Variants in PPP3CA observed in about 807,000 individuals in gnomAD.
The protein encoded by PPP3CA is CAM-PRP catalytic subunit.
PPP3CA carries 14 observed loss-of-function variants against 66.5 expected under a neutral mutation model. That is an observed-to-expected ratio of 0.21 (90% CI 0.14 to 0.33). The LOEUF is 0.33. PPP3CA is among the 10% of genes least tolerant of loss of function. The probability of loss-of-function intolerance (pLI) is 1.00; values close to 1 mark genes in which losing one functional copy is unlikely to be tolerated. For synonymous variants in PPP3CA, 232 were observed against 226.2 expected, an observed-to-expected ratio of 1.03 and a Z score of -0.23; for missense variants, 317 against 639.5, an observed-to-expected ratio of 0.50 and a Z score of 5.44.
intron 1 of PPP3CA, among the ~76,000 whole-genome samples, chr4:101,292,700 G>C (rs1458154132): frequency 6.6e-6 from 1 of 152,132 alleles, no homozygotes; most frequent in African/African-American, 2.4e-5. Flanking sequence ...AAACTAAATG[G>C]AAGTAAGTAT....
intron 1 of PPP3CA, among the ~76,000 whole-genome samples, chr4:101,197,436 A>C (rs1311927213): frequency 6.6e-6 from 1 of 152,208 alleles, no homozygotes; most frequent in East Asian, 1.9e-4. Flanking sequence ...CAGTCTTGGC[A>C]GATTTGGTGG....
chr4:101,331,300 A>T (rs1729378302), intron 1 of PPP3CA, among the ~76,000 whole-genome samples: 1 of 152,214 alleles, frequency 6.6e-6, no homozygotes, highest in Non-Finnish European at 1.5e-5. Flanking sequence ...CAAGGCATGG[A>T]TATTAATGTC....
At chr4:101,194,597 C>T (rs1352966105) in intron 2 of PPP3CA, among the ~76,000 whole-genome samples, 1 of 152,010 alleles carries the variant, frequency 6.6e-6, no homozygotes, top group Non-Finnish European at 1.5e-5. Flanking sequence ...GATGGAGTCT[C>T]ACTCTGTCAC....
chr4:101,053,246 A>C (rs1009333215), intron 10 of PPP3CA, among the ~76,000 whole-genome samples: 1 of 152,184 alleles, frequency 6.6e-6, no homozygotes, highest in African/African-American at 2.4e-5. Flanking sequence ...AAAATCAAAT[A>C]AATTTTGCTA....
chr4:101,271,926 T>C (rs1168627368), intron 1 of PPP3CA, among the ~76,000 whole-genome samples: 2 of 152,192 alleles, frequency 1.3e-5, no homozygotes, highest in Non-Finnish European at 2.9e-5. Flanking sequence ...TAAAACAAAA[T>C]TTAAAATGTA....
chr4:101,292,428 C>A lies in PPP3CA; in HGVS notation c.58+54311G>T, dbSNP rs183270669. 7.6e-4 allele frequency among the ~76,000 whole-genome samples: 116 copies of A among 152,316 alleles called. No individual in the cohort carries two copies. In the Middle Eastern group the frequency reaches 0.02, roughly 27 times the overall value. On this transcript the variant is annotated intron_variant, in intron 1 of 13. Coordinates refer to ENST00000394854, the MANE Select transcript of PPP3CA (RefSeq NM_000944.5). ...ATCAGAAGAGCTCGTCCTAAACCAG[C>A]AGTACATGCGCCTCTCCCATGGCAT... is the stretch of plus-strand genomic sequence containing the variant.
chr4:101,109,308 TAAAAAAAAAA>T (rs70961775), intron 2 of PPP3CA, among the ~76,000 whole-genome samples: 2 of 90,046 alleles, frequency 2.2e-5, no homozygotes, highest in African/African-American at 4.2e-5. Flanking sequence ...ACAGATTAAC[TAAAAAAAAAA>T]AAAAAAAAAA....
At chr4:101,178,579 CA>C (rs1724137525) in intron 2 of PPP3CA, among the ~76,000 whole-genome samples, 1 of 152,072 alleles carries the variant, frequency 6.6e-6, no homozygotes, top group Non-Finnish European at 1.5e-5. Context: ...AATCAGGATA[CA>C]TATTTTGCTA....
In PPP3CA at chr4:101,046,668, T is replaced by C. The variant is rs185386602; in HGVS notation, c.1157-6102A>G. Among the ~76,000 whole-genome samples, 443 of 152,270 alleles carry C rather than the reference T, an allele frequency of 2.9e-3. 2 individuals carry two copies. Among genetic ancestry groups the C allele is most frequent in the Non-Finnish European group, 3.4e-3 (230 of 68,012 alleles). On this transcript the variant is annotated intron_variant, in intron 10 of 13. Transcript: ENST00000394854. Reference sequence around the variant, plus strand: ...TCACCACTTCCAAATTTGTTAAAACTTGACAAAGTTCATTCCTATTCTACT... The same window carrying C: ...TCACCACTTCCAAATTTGTTAAAACCTGACAAAGTTCATTCCTATTCTACT...
chr4:101,104,465 T>A (rs1174787023), intron 3 of PPP3CA, among the ~76,000 whole-genome samples: 1 of 151,922 alleles, frequency 6.6e-6, no homozygotes, highest in Non-Finnish European at 1.5e-5. Context: ...TTTTTTTTTT[T>A]CGTGGTGCTT....
At chr4:101,244,754 A>G (rs1412689462) in intron 1 of PPP3CA, among the ~76,000 whole-genome samples, 1 of 152,212 alleles carries the variant, frequency 6.6e-6, no homozygotes, top group East Asian at 1.9e-4. Context: ...TGTGCTATAC[A>G]TGATTCAGTT....
chr4:101,246,833 G>A (rs1255416466), intron 1 of PPP3CA, among the ~76,000 whole-genome samples: 1 of 152,048 alleles, frequency 6.6e-6, no homozygotes, highest in African/African-American at 2.4e-5. Flanking sequence ...AAAGAGTAGT[G>A]CTAATGAGGC....
intron 1 of PPP3CA, among the ~76,000 whole-genome samples, chr4:101,246,455 G>A (rs1726482617): frequency 6.6e-6 from 1 of 152,100 alleles, no homozygotes; most frequent in Middle Eastern, 3.2e-3. Flanking sequence ...GAGACCAAAT[G>A]TACATCCAAA....
chr4:101,086,117 A>G (rs1439191467), intron 6 of PPP3CA, among the ~76,000 whole-genome samples: 1 of 152,166 alleles, frequency 6.6e-6, no homozygotes, highest in Non-Finnish European at 1.5e-5. Context: ...AAAAATTACT[A>G]TATTATAAAA....
At chr4:101,266,486 C>T (rs373125991) in intron 1 of PPP3CA, among the ~76,000 whole-genome samples, 1 of 152,056 alleles carries the variant, frequency 6.6e-6, no homozygotes, top group Admixed American at 6.6e-5. Flanking sequence ...TATTATATAG[C>T]GTGATTAATC....
chr4:101,168,237 AAGG>A (rs1313983837), intron 2 of PPP3CA, among the ~76,000 whole-genome samples: 2 of 152,194 alleles, frequency 1.3e-5, no homozygotes, highest in Non-Finnish European at 2.9e-5. Flanking sequence ...AAAAAATAGA[AAGG>A]AGATGTCAAG....
At chr4:101,061,282 G>A in intron 9 of PPP3CA, 121 bp from the exon 10 acceptor site, 1 of 797,048 alleles carries the variant, frequency 1.3e-6, no homozygotes, top group South Asian at 1.7e-5. Context: ...GTATATAGAA[G>A]CAGTTTCAGT....
At chr4:101,118,590 T>C (rs940666060) in intron 2 of PPP3CA, among the ~76,000 whole-genome samples, 5 of 152,074 alleles carry the variant, frequency 3.3e-5, no homozygotes, top group African/African-American at 1.2e-4. Context: ...TTCCTCCTGT[T>C]TGACCTTAGT....
In PPP3CA at chr4:101,346,877, A is replaced by AGGCCGC; in HGVS notation, c.-82_-81insGCGGCC. ...ACCGGACCGGCGGGCCAGACACTCA[A>AGGCCGC]CGCCGCCGCCGCCGCCGCCGCCGCC... is the stretch of plus-strand genomic sequence containing the variant. On this transcript the variant is annotated 5_prime_UTR_variant, in exon 1 of 14. Transcript: ENST00000394854. 3.1e-6 allele frequency: 4 copies of AGGCCGC among 1,292,674 alleles called. No individual in the cohort carries two copies. The highest frequency in any genetic ancestry group is 4.3e-6 in the Non-Finnish European group (4 of 931,028). 80.1% of individuals were successfully genotyped at this position (1,292,674 alleles called of 1,614,324 possible).
Sources: allele counts gnomAD v4.1 joint callset (sites outside exome capture counted in the v4.1 genomes callset), GRCh38; gene constraint gnomAD v4.1.1; transcripts MANE v1.5; gene names NCBI Gene and HGNC (gene_info 2026-07-23, HGNC 2026-07-21).